Variants in SLC26A8 observed in about 807,000 individuals in gnomAD.
SLC26A8 encodes solute carrier family 26 member 8.
SLC26A8 carries 70 observed loss-of-function variants against 105.0 expected under a neutral mutation model. The ratio of observed to expected loss-of-function variants is 0.67; its 90% CI spans 0.55 to 0.81. The LOEUF (loss-of-function observed/expected upper bound fraction) is 0.81. SLC26A8 is among the 40% of genes least tolerant of loss of function. The pLI, the probability that SLC26A8 is intolerant of heterozygous loss-of-function variation, is 0.00. For missense variants in SLC26A8, 998 were observed against 1,181.8 expected (o/e 0.84, Z 2.28); for synonymous variants, 415 against 438.3 (o/e 0.95, Z 0.66).
At chr6:35,994,075 T>G (rs375739364) in intron 5 of SLC26A8, among the ~76,000 whole-genome samples, 1 of 151,880 alleles carries the variant, frequency 6.6e-6, no homozygotes, top group African/African-American at 2.4e-5. Flanking sequence ...TTTCAAAGCT[T>G]TCAATCAGCC....
intron 5 of SLC26A8, among the ~76,000 whole-genome samples, chr6:35,993,227 A>T (rs151248627): frequency 0.015 from 2,191 of 144,920 alleles, 22 homozygotes; most frequent in Middle Eastern, 0.026. Context: ...CTGGTCTCGA[A>T]CTCCTGACCT....
chr6:35,963,246 CG>C (rs1772384550), intron 11 of SLC26A8, among the ~76,000 whole-genome samples: 1 of 152,096 alleles, frequency 6.6e-6, no homozygotes, highest in South Asian at 2.1e-4. Context: ...ACAGGCCATC[CG>C]GAGGCAAAAC....
intron 7 of SLC26A8, chr6:35,990,028 C>T (rs763442898): frequency 2.1e-5 from 3 of 144,476 alleles, no homozygotes; most frequent in Non-Finnish European, 3.0e-5. Flanking sequence ...AGCTCTGCCT[C>T]CTGGATTCAT....
chr6:36,015,395 G>T (rs1368223267), intron 2 of SLC26A8, among the ~76,000 whole-genome samples: 1 of 152,220 alleles, frequency 6.6e-6, no homozygotes, highest in Admixed American at 6.5e-5. Flanking sequence ...ACAGGCATGA[G>T]CCACTGTGCC....
chr6:35,944,547 T>A (rs923732982), intron 19 of SLC26A8, among the ~76,000 whole-genome samples: 4 of 148,172 alleles, frequency 2.7e-5, no homozygotes, highest in Non-Finnish European at 5.9e-5. Flanking sequence ...ATAATAATAA[T>A]AATTATTATT....
At chr6:35,994,366 G>A (rs182057335) in intron 5 of SLC26A8, among the ~76,000 whole-genome samples, 7 of 151,838 alleles carry the variant, frequency 4.6e-5, no homozygotes, top group Middle Eastern at 3.4e-3. Context: ...CGCCCGCCTC[G>A]GCCTCTCAAA....
Position 35,943,929 on chromosome 6 carries a change from G to A in SLC26A8, c.2884C>T (p.Pro962Ser). 1 of 1,614,140 alleles carries A rather than the reference G, an allele frequency of 6.2e-7. No homozygotes were observed. The highest frequency in any genetic ancestry group is 8.5e-7 in the Non-Finnish European group (1 of 1,180,020). The change falls in exon 20 of 20, where the codon CCA (proline) becomes TCA (serine). Residue 962 changes from proline to serine, a missense_variant. Coordinates refer to ENST00000490799, the MANE Select transcript of SLC26A8 (RefSeq NM_052961.4). ...RRRHPMDSYS[P>S]EGNSNEDV Reference sequence around the variant, plus strand: ...ACATCTTCATTGCTGTTGCCCTCTGGTGAGTATGAATCCATAGGATGGCGT... The same window carrying A: ...ACATCTTCATTGCTGTTGCCCTCTGATGAGTATGAATCCATAGGATGGCGT...
At chr6:36,010,536 C>CT (rs1173055463) in intron 3 of SLC26A8, among the ~76,000 whole-genome samples, 2,363 of 118,254 alleles carry the variant, frequency 0.02, 97 homozygotes, top group African/African-American at 0.057. Flanking sequence ...TATATGTATT[C>CT]TTTTTTTTTT....
At chr6:36,018,039 T>A (rs907647908) in intron 2 of SLC26A8, among the ~76,000 whole-genome samples, 1 of 152,234 alleles carries the variant, frequency 6.6e-6, no homozygotes, top group Non-Finnish European at 1.5e-5. Context: ...AAATAACAAA[T>A]GTTGGAGAGC....
chr6:35,968,805 G>GCA (rs1401241541), intron 11 of SLC26A8, 72 bp downstream of exon 11: 5 of 99,440 alleles, frequency 5.0e-5, no homozygotes, highest in South Asian at 8.4e-5. Flanking sequence ...CTTACCCCCC[G>GCA]CACACACACA....
At chr6:36,024,474 G>A (rs770495939) in intron 1 of SLC26A8, 30 bp downstream of exon 1, 10 of 448,632 alleles carry the variant, frequency 2.2e-5, no homozygotes, top group African/African-American at 1.8e-4. Context: ...GCAGCCCCCG[G>A]CGCCCAGGCG....
intron 3 of SLC26A8, among the ~76,000 whole-genome samples, chr6:36,011,346 C>G (rs1171799660): frequency 3.9e-5 from 6 of 152,158 alleles, no homozygotes; most frequent in Non-Finnish European, 7.3e-5. Flanking sequence ...GGAAGCCCTA[C>G]CTTTGGGATT....
chr6:35,998,722 A>G (rs1434504423), intron 4 of SLC26A8, among the ~76,000 whole-genome samples: 2 of 152,124 alleles, frequency 1.3e-5, no homozygotes, highest in African/African-American at 4.8e-5. Flanking sequence ...TTAACTTTAA[A>G]TTTACCTAAC....
chr6:36,019,625 T>C lies in SLC26A8; in HGVS notation c.83A>G (p.Glu28Gly), dbSNP rs1244058412. The C allele has an allele frequency of 2.5e-6, 4 of 1,614,076 alleles. No homozygotes were observed. Among genetic ancestry groups the C allele is most frequent in the African/African-American group, 1.3e-5 (1 of 74,930 alleles). ...RNSFAYDVKREVYNEETFQQE... is the reference protein window; with the variant it reads ...RNSFAYDVKRGVYNEETFQQE... Reference sequence around the variant, plus strand: ...TTGAAAGGTCTCCTCATTGTATACTTCACGCTTAACATCATATGCGAATGA... The same window carrying C: ...TTGAAAGGTCTCCTCATTGTATACTCCACGCTTAACATCATATGCGAATGA... Residue 28 changes from glutamate to glycine, a missense_variant, in exon 2 of 20, where the codon GAA becomes GGA. By Grantham distance (98) the Glu-to-Gly change is moderately conservative. Coordinates refer to ENST00000490799, the MANE Select transcript of SLC26A8 (RefSeq NM_052961.4).
rs80068229 is a variant in SLC26A8 at position 35,963,388 on chromosome 6, G to A, written c.1366-767C>T. The stretch of plus-strand genomic sequence containing the variant: ...TCTCTGGAATGCTGTGCTGAAACTC[G>A]TTTTACAACCCTAAGCTCCCGCCTT... On this transcript the variant is annotated intron_variant, in intron 11 of 19. Coordinates refer to ENST00000490799, the MANE Select transcript of SLC26A8 (RefSeq NM_052961.4). Among the ~76,000 whole-genome samples, 688 of 152,202 alleles carry A rather than the reference G, an allele frequency of 4.5e-3. 9 individuals carry two copies. Among genetic ancestry groups the A allele is most frequent in the South Asian group, 0.025 (119 of 4,828 alleles).
intron 7 of SLC26A8, 87 bp downstream of exon 7, chr6:35,991,572 A>G (rs1347955067): frequency 1.9e-6 from 2 of 1,058,628 alleles, no homozygotes; most frequent in Non-Finnish European, 2.6e-6. Context: ...AACTAAATGT[A>G]TTCAGCTTTT....
chr6:36,009,856 G>T (rs1045184137), intron 3 of SLC26A8, among the ~76,000 whole-genome samples: 1 of 152,088 alleles, frequency 6.6e-6, no homozygotes, highest in South Asian at 2.1e-4. Flanking sequence ...CTGGGTAAAG[G>T]GTACATGGGT....
chr6:36,004,988 C>T (rs1001068756), intron 3 of SLC26A8, among the ~76,000 whole-genome samples: 1 of 151,836 alleles, frequency 6.6e-6, no homozygotes, highest in East Asian at 1.9e-4. Context: ...TGAAAAGCAG[C>T]GTGTAGCATG....
In SLC26A8 at chr6:35,959,013, T is replaced by C. The variant is rs115377842; in HGVS notation, c.1863+447A>G. On this transcript the variant is annotated intron_variant, in intron 16 of 19. Transcript: ENST00000490799. ...TCTCCCATCATCATTTTCTTGGCCATAGGAAGACATCAGGAGACCCTGGCA... is the reference window on the plus strand; with the variant it reads ...TCTCCCATCATCATTTTCTTGGCCACAGGAAGACATCAGGAGACCCTGGCA... 7.7e-3 allele frequency among the ~76,000 whole-genome samples: 1,178 copies of C among 152,196 alleles called. 18 individuals carry two copies. The highest frequency in any genetic ancestry group is 0.024 in the South Asian group (117 of 4,824).
Sources: gnomAD v4.1 joint callset for allele counts (sites outside exome capture counted in the v4.1 genomes callset) on GRCh38, gnomAD v4.1.1 for gene constraint, MANE v1.5 for transcripts, NCBI Gene and HGNC (gene_info 2026-07-23, HGNC 2026-07-21) for gene names.